Variants in TFCP2 observed in about 807,000 individuals in gnomAD.
The protein encoded by TFCP2 is transcription factor CP2.
TFCP2 carries 33 observed loss-of-function variants against 73.4 expected under a neutral mutation model. The ratio of observed to expected loss-of-function variants is 0.45; its 90% confidence interval spans 0.34 to 0.60. The LOEUF (loss-of-function observed/expected upper bound fraction) is 0.60. Among genes scored for constraint, TFCP2 ranks in the 20% least tolerant of loss-of-function variants. TFCP2 has a pLI of 0.01. For missense variants in TFCP2, 352 were observed against 604.0 expected (o/e 0.58, Z 4.37); for synonymous variants, 193 against 211.6 (o/e 0.91, Z 0.76).
intron 1 of TFCP2, among the ~76,000 whole-genome samples, chr12:51,126,648 C>G: frequency 6.6e-6 from 1 of 152,116 alleles, no homozygotes; most frequent in East Asian, 1.9e-4. Context: ...ATCTAAGGAA[C>G]TTAGAAACTA....
chr12:51,121,535 G>A (rs1195070061), intron 1 of TFCP2, among the ~76,000 whole-genome samples: 1 of 144,626 alleles, frequency 6.9e-6, no homozygotes, highest in Admixed American at 6.9e-5. Flanking sequence ...GCACGATCTC[G>A]GCTCACTGCA....
chr12:51,158,852 G>C (rs1941591477), intron 1 of TFCP2, among the ~76,000 whole-genome samples: 1 of 151,206 alleles, frequency 6.6e-6, no homozygotes, highest in Non-Finnish European at 1.5e-5. Context: ...CGGGGAGTAT[G>C]GTGCCAGTCC....
At chr12:51,130,932 G>A (rs1030300942) in intron 1 of TFCP2, among the ~76,000 whole-genome samples, 2 of 151,778 alleles carry the variant, frequency 1.3e-5, no homozygotes, top group African/African-American at 4.8e-5. Flanking sequence ...GGGTTGCAGT[G>A]AGCCGAGATT....
chr12:51,125,164 C>A, intron 1 of TFCP2: 1 of 715,588 alleles, frequency 1.4e-6, no homozygotes, highest in Non-Finnish European at 2.6e-6. Flanking sequence ...TTCTGTAAAT[C>A]TTTGCTACCA....
At chr12:51,096,962 A>AATT (rs1939979663) in intron 13 of TFCP2, among the ~76,000 whole-genome samples, 1 of 150,938 alleles carries the variant, frequency 6.6e-6, no homozygotes, top group Non-Finnish European at 1.5e-5. Flanking sequence ...ATTTTTTCTT[A>AATT]ATTTTTTTTT....
intron 1 of TFCP2, among the ~76,000 whole-genome samples, chr12:51,140,899 T>C (rs1201628978): frequency 1.3e-5 from 2 of 151,668 alleles, no homozygotes; most frequent in Non-Finnish European, 2.9e-5. Flanking sequence ...CTACTAAAAA[T>C]ACAAAAATTA....
At chr12:51,114,357 G>A (rs1311442376) in intron 4 of TFCP2, among the ~76,000 whole-genome samples, 1 of 152,314 alleles carries the variant, frequency 6.6e-6, no homozygotes, top group East Asian at 1.9e-4. Context: ...TGTAATCCCA[G>A]CGCTTTGGGA....
intron 10 of TFCP2, among the ~76,000 whole-genome samples, chr12:51,102,988 A>G (rs1366698356): frequency 6.6e-6 from 1 of 151,964 alleles, no homozygotes; most frequent in Non-Finnish European, 1.5e-5. Context: ...ACCACATCAA[A>G]AAGTGCTAAA....
chr12:51,104,735 G>C lies in TFCP2; in HGVS notation c.918-532C>G, dbSNP rs374187308. Among the ~76,000 whole-genome samples, 265 of 148,762 alleles carry C rather than the reference G, an allele frequency of 1.8e-3. 3 individuals carry two copies. Among genetic ancestry groups the C allele is most frequent in the African/African-American group, 6.4e-3 (257 of 40,358 alleles). On this transcript the variant is annotated intron_variant, in intron 8 of 14. Transcript: ENST00000257915. ...ACAATTTTTTTTTTTTTTTTGAGACGGAGTCTCGCTCTCTTGCCCAGGCCG... is the reference window on the plus strand; with the variant it reads ...ACAATTTTTTTTTTTTTTTTGAGACCGAGTCTCGCTCTCTTGCCCAGGCCG...
chr12:51,103,578 T>A (rs1004403605), intron 10 of TFCP2, 92 bp downstream of exon 10: 3 of 904,362 alleles, frequency 3.3e-6, no homozygotes, highest in Non-Finnish European at 5.2e-6. Context: ...CATACACATA[T>A]ACACACACAA....
chr12:51,118,952 G>A (rs1940596223), intron 1 of TFCP2, among the ~76,000 whole-genome samples, 180 bp from the exon 2 acceptor site: 1 of 152,174 alleles, frequency 6.6e-6, no homozygotes. Context: ...ACAACAGTGT[G>A]GGTGATGACA....
At chr12:51,167,073 G>C (rs1941771566) in intron 1 of TFCP2, among the ~76,000 whole-genome samples, 1 of 152,112 alleles carries the variant, frequency 6.6e-6, no homozygotes, top group Non-Finnish European at 1.5e-5. Flanking sequence ...GGAATCATAT[G>C]TATGTGGTCT....
chr12:51,098,630 A>G, intron 13 of TFCP2, 146 bp downstream of exon 13: 1 of 976,934 alleles, frequency 1.0e-6, no homozygotes, highest in Non-Finnish European at 1.5e-6. Context: ...TTTCAAAAAA[A>G]AAAAAAATTA....
At position 51,099,659 on chromosome 12, in the gene TFCP2, G is replaced by A. The variant is rs147813493; in HGVS notation, c.1272C>T (p.Phe424=). 1 of 1,614,026 alleles carries A rather than the reference G, an allele frequency of 6.2e-7. No individual in the cohort carries two copies. The highest frequency in any genetic ancestry group is 1.3e-5 in the African/African-American group (1 of 74,912). Residue 424 remains phenylalanine (F), a synonymous_variant, in exon 12 of 15, where the codon TTC becomes TTT. Coordinates refer to ENST00000257915, the MANE Select transcript of TFCP2 (RefSeq NM_005653.5). The part of the protein sequence containing the change: ...KHEDGDSNGT[F]FVYHAIYLEE... ...AGTGTGTCCAGAACAACCTACCGAAGAAAGTACCATTTGAGTCTCCATCCT... is the reference window on the plus strand; with the variant it reads ...AGTGTGTCCAGAACAACCTACCGAAAAAAGTACCATTTGAGTCTCCATCCT...
At chr12:51,144,560 T>C (rs1016784597) in intron 1 of TFCP2, among the ~76,000 whole-genome samples, 1 of 152,172 alleles carries the variant, frequency 6.6e-6, no homozygotes, top group Admixed American at 6.5e-5. Flanking sequence ...CTAGTATAGT[T>C]GATCAGTGGC....
At chr12:51,111,111 GT>G (rs11308041) in intron 4 of TFCP2, 128 bp from the exon 5 acceptor site, 289,450 of 478,034 alleles carry the variant, frequency 0.61, 63,051 homozygotes, top group Admixed American at 0.68. Flanking sequence ...AAATTTCTTT[GT>G]TTTTTTTTTT....
At chr12:51,120,984 C>G (rs1940654643) in intron 1 of TFCP2, among the ~76,000 whole-genome samples, 2 of 149,078 alleles carry the variant, frequency 1.3e-5, no homozygotes, top group Non-Finnish European at 1.5e-5. Context: ...GAGGGTTCAT[C>G]ATATTATTCT....
At chr12:51,136,927 AGAG>A (rs1444432625) in intron 1 of TFCP2, among the ~76,000 whole-genome samples, 1 of 152,196 alleles carries the variant, frequency 6.6e-6, no homozygotes, top group African/African-American at 2.4e-5. Context: ...CCCGGACGAC[AGAG>A]GAGACTCTGT....
chr12:51,166,023 C>G (rs920751428), intron 1 of TFCP2, among the ~76,000 whole-genome samples: 33 of 148,508 alleles, frequency 2.2e-4, no homozygotes, highest in Admixed American at 2.1e-3. Context: ...AACAAACAAA[C>G]AAAGAAGTTG....
Sources: gnomAD v4.1 joint callset for allele counts (sites outside exome capture counted in the v4.1 genomes callset) on GRCh38, gnomAD v4.1.1 for gene constraint, MANE v1.5 for transcripts, NCBI Gene and HGNC (gene_info 2026-07-23, HGNC 2026-07-21) for gene names.